The following SLC16A7 variants were observed in gnomAD, a reference collection of about 807,000 sequenced individuals.
SLC16A7 encodes solute carrier family 16 member 7.
In SLC16A7, 33 loss-of-function variants were observed where a neutral mutation model predicts 34.9. The ratio of observed to expected loss-of-function variants is 0.94; its 90% CI spans 0.72 to 1.26. The LOEUF (loss-of-function observed/expected upper bound fraction) is 1.26. Among genes scored for constraint, SLC16A7 ranks in the 50% most tolerant of loss-of-function variants. SLC16A7 has a pLI of 0.00. For synonymous variants in SLC16A7, 201 were observed against 206.6 expected (o/e 0.97, Z 0.23); for missense variants, 573 against 578.1 (o/e 0.99, Z 0.09).
intron 1 of SLC16A7, among the ~76,000 whole-genome samples, chr12:59,628,675 C>CGT (rs559754829): frequency 2.6e-4 from 40 of 151,334 alleles, no homozygotes; most frequent in African/African-American, 8.5e-4. Flanking sequence ...TGTGCATGTG[C>CGT]GTGTGTGTGT....
chr12:59,618,689 C>T (rs1055193180), intron 1 of SLC16A7, among the ~76,000 whole-genome samples: 2 of 151,806 alleles, frequency 1.3e-5, no homozygotes, highest in African/African-American at 2.4e-5. Flanking sequence ...TGTGATCTTC[C>T]GTTTCCAATA....
At chr12:59,638,213 G>A (rs1182003914) in intron 1 of SLC16A7, among the ~76,000 whole-genome samples, 2 of 152,104 alleles carry the variant, frequency 1.3e-5, no homozygotes, top group Non-Finnish European at 2.9e-5. Flanking sequence ...CTGTTCAGAT[G>A]CTTTTTGGAC....
At chr12:59,679,752 T>C (rs771962849) in intron 2 of SLC16A7, among the ~76,000 whole-genome samples, 1 of 152,106 alleles carries the variant, frequency 6.6e-6, no homozygotes, top group Non-Finnish European at 1.5e-5. Context: ...AAATAAATAT[T>C]TGATGAATGA....
chr12:59,780,060 T>C lies in SLC16A7; in HGVS notation c.*381T>C, dbSNP rs1300791997. ...TGCCTAATCCTACAAAGTGACCCTT[T>C]ATACATTTCATTTTTTATTTGATAT... On this transcript the variant is annotated 3_prime_UTR_variant, in exon 6 of 6. Coordinates refer to ENST00000547379, the MANE Select transcript of SLC16A7 (RefSeq NM_001270623.2). 3 of 168,420 alleles carry C rather than the reference T, an allele frequency of 1.8e-5. No homozygotes were observed. The highest frequency in any genetic ancestry group is 3.4e-4 in the East Asian group (2 of 5,838). The allele number at this position is 168,420 out of a possible 1,614,324, so 10.4% of individuals were successfully genotyped here.
At chr12:59,607,217 G>C (rs1161402637) in intron 1 of SLC16A7, among the ~76,000 whole-genome samples, 1 of 152,118 alleles carries the variant, frequency 6.6e-6, no homozygotes, top group African/African-American at 2.4e-5. Context: ...TTCTGATGGA[G>C]GAATCAAAGA....
chr12:59,716,558 C>G lies in SLC16A7; in HGVS notation c.217+11540C>G, dbSNP rs188473515. Among the ~76,000 whole-genome samples, 213 of 152,128 alleles carry G rather than the reference C, an allele frequency of 1.4e-3. 1 individual carries two copies. Among genetic ancestry groups the G allele is most frequent in the Middle Eastern group, 6.8e-3 (2 of 294 alleles). On this transcript the variant is annotated intron_variant, in intron 3 of 5. Transcript: ENST00000547379. ...TATGACTTACACTGATACAGAAATACAAGAATCAGCTGGGTGCAGTGGCTC... is the reference window on the plus strand; with the variant it reads ...TATGACTTACACTGATACAGAAATAGAAGAATCAGCTGGGTGCAGTGGCTC...
chr12:59,721,287 C>T (rs1202951454), intron 3 of SLC16A7, among the ~76,000 whole-genome samples: 1 of 151,986 alleles, frequency 6.6e-6, no homozygotes, highest in Non-Finnish European at 1.5e-5. Flanking sequence ...CTTCCACATA[C>T]TTCTACTACC....
intron 2 of SLC16A7, among the ~76,000 whole-genome samples, chr12:59,676,676 A>G (rs1870339454): frequency 6.6e-6 from 1 of 152,164 alleles, no homozygotes; most frequent in African/African-American, 2.4e-5. Flanking sequence ...GAATTAAAGT[A>G]TGTGACATTA....
chr12:59,725,869 T>C (rs62625022), intron 3 of SLC16A7, among the ~76,000 whole-genome samples: 11,812 of 152,176 alleles, frequency 0.078, 550 homozygotes, highest in Middle Eastern at 0.18. Context: ...CATGTTCTTA[T>C]TATTGTAATT....
chr12:59,679,978 C>A (rs978659366), intron 2 of SLC16A7, among the ~76,000 whole-genome samples: 2 of 152,104 alleles, frequency 1.3e-5, no homozygotes, highest in Non-Finnish European at 2.9e-5. Context: ...TAACTCCAAG[C>A]TGTGGAACTT....
At chr12:59,752,867 TACCCAC>T (rs1263568775) in intron 3 of SLC16A7, among the ~76,000 whole-genome samples, 2 of 152,170 alleles carry the variant, frequency 1.3e-5, no homozygotes. Flanking sequence ...AAGATCGGGT[TACCCAC>T]AAAGGGAAGC....
At chr12:59,629,240 G>A (rs1880072080) in intron 1 of SLC16A7, among the ~76,000 whole-genome samples, 1 of 151,784 alleles carries the variant, frequency 6.6e-6, no homozygotes. Flanking sequence ...TTGGGAATTA[G>A]GCCTTAAAAA....
At chr12:59,721,112 A>G (rs1437173547) in intron 3 of SLC16A7, among the ~76,000 whole-genome samples, 1 of 151,886 alleles carries the variant, frequency 6.6e-6, no homozygotes, top group Non-Finnish European at 1.5e-5. Context: ...TGGTAACCAT[A>G]TTTTATATTA....
chr12:59,688,959 CTT>C (rs1203641600), intron 2 of SLC16A7, among the ~76,000 whole-genome samples: 1 of 151,916 alleles, frequency 6.6e-6, no homozygotes, highest in African/African-American at 2.4e-5. Context: ...ATTATATCAA[CTT>C]AATATAATTA....
intron 3 of SLC16A7, among the ~76,000 whole-genome samples, chr12:59,740,817 G>A (rs1878235464): frequency 6.6e-6 from 1 of 152,094 alleles, no homozygotes; most frequent in Admixed American, 6.5e-5. Flanking sequence ...AAACCCCAAT[G>A]TCTCAGCCCA....
intron 2 of SLC16A7, among the ~76,000 whole-genome samples, chr12:59,701,892 A>AT (rs1423255797): frequency 1.3e-5 from 2 of 151,862 alleles, no homozygotes; most frequent in African/African-American, 4.8e-5. Flanking sequence ...AGCAGATATG[A>AT]TAAAAACTAC....
intron 1 of SLC16A7, among the ~76,000 whole-genome samples, chr12:59,599,093 A>G (rs61936295): frequency 0.36 from 30,847 of 86,098 alleles, 3,224 homozygotes; most frequent in African/African-American, 0.39. Context: ...GCCTTGCATG[A>G]AGCTAAATAA....
intron 3 of SLC16A7, among the ~76,000 whole-genome samples, chr12:59,710,058 G>A (rs1444258716): frequency 1.3e-5 from 2 of 151,474 alleles, no homozygotes; most frequent in Admixed American, 6.6e-5. Context: ...TTATTACATG[G>A]GATGAGAACA....
intron 2 of SLC16A7, among the ~76,000 whole-genome samples, chr12:59,686,102 T>C (rs1405710602): frequency 6.7e-6 from 1 of 148,996 alleles, no homozygotes; most frequent in Non-Finnish European, 1.5e-5. Flanking sequence ...TTTCTTTTTT[T>C]TTTTTTTTTT....
Sources: gnomAD v4.1 joint callset for allele counts (sites outside exome capture counted in the v4.1 genomes callset) on GRCh38, gnomAD v4.1.1 for gene constraint, MANE v1.5 for transcripts, NCBI Gene and HGNC (gene_info 2026-07-23, HGNC 2026-07-21) for gene names.